The following AMZ1 variants were observed in gnomAD, a reference collection of about 807,000 sequenced individuals.
The protein encoded by AMZ1 is archaelysin family metallopeptidase 1, also known as archaemetzincin-1.
A neutral mutation model predicts 29.9 loss-of-function variants in AMZ1; 39 were observed. The observed-to-expected ratio is 1.30, with a 90% CI of 1.01 to 1.70. The LOEUF is 1.70. Ranked by LOEUF, AMZ1 falls within the 40% of genes most tolerant of loss-of-function variation. The probability of loss-of-function intolerance (pLI) is 0.00; values close to 1 mark genes in which losing one functional copy is unlikely to be tolerated. For missense variants in AMZ1, 1,041 were observed against 680.6 expected, an observed-to-expected ratio of 1.53 and a Z score of -5.89; for synonymous variants, 458 against 304.0, an observed-to-expected ratio of 1.51 and a Z score of -5.27.
rs1364699347 is a variant in AMZ1 at position 2,717,148 on chromosome 7, TGGGTGGGTGG to T, written c.*4271_*4280del. On this transcript the variant is annotated 3_prime_UTR_variant, in exon 7 of 7. Coordinates refer to ENST00000683327, the MANE Select transcript of AMZ1 (RefSeq NM_001384743.1). ...CTCCTTCGGACTCTGAGGAGAGGCC[TGGGTGGGTGG>T]CCGGCACTCTTAGGTGAGGTGCCAA... Among the ~76,000 whole-genome samples the T allele has an allele frequency of 6.6e-6, 1 of 152,160 alleles. No individual in the cohort carries two copies. Among genetic ancestry groups the T allele is most frequent in the Non-Finnish European group, 1.5e-5 (1 of 68,034 alleles).
intron 3 of AMZ1, among the ~76,000 whole-genome samples, chr7:2,707,370 G>C (rs182442512): frequency 3.3e-5 from 5 of 151,708 alleles, no homozygotes; most frequent in Admixed American, 1.3e-4. Context: ...ACACTTCTCC[G>C]GTGTGCCTCT....
intron 4 of AMZ1, among the ~76,000 whole-genome samples, chr7:2,748,388 T>C (rs955811244): frequency 6.6e-6 from 1 of 152,324 alleles, no homozygotes; most frequent in African/African-American, 2.4e-5. Context: ...TTGACAAACC[T>C]GACAGAAACA....
chr7:2,712,929 T>C lies in AMZ1; in HGVS notation c.*51T>C. On this transcript the variant is annotated 3_prime_UTR_variant, in exon 7 of 7. Transcript: ENST00000683327. ...CTTCCCTAAGGATGCTGGCCAGCAC[T>C]GTCCAGTAGCTGAGGCCACTACTGA... The C allele has an allele frequency of 2.0e-6, 3 of 1,486,162 alleles. No individual in the cohort carries two copies. Among genetic ancestry groups the C allele is most frequent in the Non-Finnish European group, 2.7e-6 (3 of 1,117,294 alleles). The allele number at this position is 1,486,162 out of a possible 1,614,324, so 92.1% of individuals were successfully genotyped here. A position where few individuals can be genotyped will look rare whatever the true frequency, so the allele number is the denominator to read the frequency against.
rs76015103 is a variant in AMZ1, at chr7:2,738,494, C to G, written n.551-26218C>G. 9.2e-3 allele frequency among the ~76,000 whole-genome samples: 1,394 copies of G among 152,230 alleles called. 14 individuals are homozygous for G. The highest frequency in any genetic ancestry group is 0.032 in the African/African-American group (1,317 of 41,532). The stretch of plus-strand genomic sequence containing the variant: ...CCACTGCCAAAGGAAAAGCACAAGG[C>G]ACGAAACAACGCAGAGTATCTTCCT... On this transcript the variant is annotated intron_variant and non_coding_transcript_variant, in intron 4 of 4. Coordinates refer to the AMZ1 transcript ENST00000489665.
At chr7:2,747,540 T>C (rs537413860) in intron 4 of AMZ1, among the ~76,000 whole-genome samples, 5 of 152,256 alleles carry the variant, frequency 3.3e-5, no homozygotes, top group Admixed American at 2.0e-4. Flanking sequence ...AAGAGCTATC[T>C]ATGACAAACC....
At chr7:2,740,497 A>G (rs1790445843) in intron 4 of AMZ1, among the ~76,000 whole-genome samples, 1 of 152,092 alleles carries the variant, frequency 6.6e-6, no homozygotes. Context: ...CAGATCCTCA[A>G]TTTCCAATCT....
chr7:2,689,091 G>A (rs1240296221), intron 1 of AMZ1, among the ~76,000 whole-genome samples: 1 of 152,252 alleles, frequency 6.6e-6, no homozygotes, highest in Non-Finnish European at 1.5e-5. Context: ...GAAACTGAGA[G>A]GTGAGAAACC....
At chr7:2,726,569 C>A (rs1228132505) in intron 4 of AMZ1, among the ~76,000 whole-genome samples, 1 of 152,216 alleles carries the variant, frequency 6.6e-6, no homozygotes, top group Non-Finnish European at 1.5e-5. Context: ...TCCCAGAGCT[C>A]AGCCTACAGT....
intron 1 of AMZ1, among the ~76,000 whole-genome samples, chr7:2,691,931 C>T (rs1171978551): frequency 1.3e-5 from 2 of 151,994 alleles, no homozygotes; most frequent in Non-Finnish European, 2.9e-5. Context: ...ATTGATAGGC[C>T]CCTGTGGACA....
At chr7:2,685,126 C>T (rs1158367872), upstream of AMZ1, among the ~76,000 whole-genome samples, 2 of 151,780 alleles carry the variant, frequency 1.3e-5, no homozygotes, top group Admixed American at 6.6e-5. Flanking sequence ...GCCTCGGCCT[C>T]CCAAAGTGCT....
chr7:2,730,759 T>G lies in AMZ1; in HGVS notation n.550+20943T>G, dbSNP rs80106595. 8.1e-3 allele frequency: 1,349 copies of G among 167,420 alleles called. 16 individuals carry two copies. Among genetic ancestry groups the G allele is most frequent in the African/African-American group, 0.031 (1,290 of 42,084 alleles). The allele number at this position is 167,420 out of a possible 1,614,324, so 10.4% of individuals were successfully genotyped here. A position where few individuals can be genotyped will look rare whatever the true frequency, so the allele number is the denominator to read the frequency against. On this transcript the variant is annotated intron_variant and non_coding_transcript_variant, in intron 4 of 4. Transcript: ENST00000489665. The stretch of plus-strand genomic sequence containing the variant: ...CAGGTTAGTCTGTCTCAGGGAAGAC[T>G]TGTGAGTTAGAAAAGCCGTCTGCAA...
At chr7:2,732,408 G>A (rs1037121835) in intron 4 of AMZ1, among the ~76,000 whole-genome samples, 1 of 152,106 alleles carries the variant, frequency 6.6e-6, no homozygotes, top group Non-Finnish European at 1.5e-5. Flanking sequence ...TTAGCTGGGC[G>A]TGGTGCCTCA....
downstream of AMZ1, among the ~76,000 whole-genome samples, chr7:2,719,990 A>C (rs1028326889): frequency 2.6e-5 from 4 of 152,194 alleles, no homozygotes; most frequent in African/African-American, 9.6e-5. Flanking sequence ...CTCAACTCCA[A>C]ATTTTAAAAA....
At chr7:2,759,767 T>G (rs1227530886), upstream of AMZ1, among the ~76,000 whole-genome samples, 1 of 152,216 alleles carries the variant, frequency 6.6e-6, no homozygotes, top group Non-Finnish European at 1.5e-5. Context: ...AAACACAGAC[T>G]GAAGGCCATG....
upstream of AMZ1, among the ~76,000 whole-genome samples, chr7:2,687,005 G>A (rs1034602400): frequency 2.7e-5 from 4 of 149,352 alleles, no homozygotes; most frequent in Admixed American, 1.3e-4. Flanking sequence ...GAGCCACCAC[G>A]CCCAGCCGTG....
At chr7:2,709,881 C>T (rs1788654984) in intron 6 of AMZ1, 65 bp downstream of exon 6, 3 of 1,580,156 alleles carry the variant, frequency 1.9e-6, no homozygotes, top group African/African-American at 2.7e-5. Context: ...CGAGCGCCGC[C>T]TGGAGGCTAC....
At chr7:2,745,949 C>T (rs966847113) in intron 4 of AMZ1, among the ~76,000 whole-genome samples, 2 of 151,994 alleles carry the variant, frequency 1.3e-5, no homozygotes, top group African/African-American at 2.4e-5. Context: ...GTAAAGCGAT[C>T]AATTCAACAA....
At chr7:2,725,803 C>T (rs116290088) in intron 4 of AMZ1, among the ~76,000 whole-genome samples, 16 of 152,372 alleles carry the variant, frequency 1.1e-4, no homozygotes, top group African/African-American at 2.6e-4. Flanking sequence ...TCCAACACAA[C>T]GCCTCACAAA....
Position 2,731,539 on chromosome 7 carries a change from T to G in AMZ1, n.550+21723T>G. ...CACCAGCCGGTTGGTGCGCCTGTCC[T>G]CCATGAGGACCTGGTCGTACTCGCT... On this transcript the variant is annotated intron_variant and non_coding_transcript_variant, in intron 4 of 4. Coordinates refer to the AMZ1 transcript ENST00000489665. This position sits in a 1 kb window ranked among gnomAD's most constrained non-coding sequence, Gnocchi z 6.0. The G allele has an allele frequency of 6.2e-7, 1 of 1,611,220 alleles. No individual in the cohort carries two copies. The highest frequency in any genetic ancestry group is 8.5e-7 in the Non-Finnish European group (1 of 1,177,982).
Sources: allele counts gnomAD v4.1 joint callset (sites outside exome capture counted in the v4.1 genomes callset), GRCh38; gene constraint gnomAD v4.1.1; non-coding constraint Gnocchi (gnomAD v3.1); transcripts MANE v1.5; gene names NCBI Gene and HGNC (gene_info 2026-07-23, HGNC 2026-07-21).